The following ACADL variants were observed in gnomAD, a reference collection of about 807,000 sequenced individuals.
ACADL encodes long-chain specific acyl-CoA dehydrogenase, mitochondrial.
Under a neutral mutation model 56.9 loss-of-function variants are expected in ACADL, and 60 were observed. That is an observed-to-expected ratio of 1.05 (90% CI 0.86 to 1.31). The LOEUF (loss-of-function observed/expected upper bound fraction) is 1.31, where lower values mean the gene tolerates loss of function less well. Ranked by LOEUF, ACADL falls within the 50% of genes most tolerant of loss-of-function variation. ACADL has a pLI of 0.00. For missense variants in ACADL, 484 were observed against 525.5 expected (o/e 0.92, Z 0.77); for synonymous variants, 158 against 179.7 (o/e 0.88, Z 0.97).
rs1688580317 is a variant in ACADL at position 210,188,389 on chromosome 2, G to C, written c.*572C>G. 1 of 154,782 alleles carries C rather than the reference G, an allele frequency of 6.5e-6. No homozygotes were observed. The highest frequency in any genetic ancestry group is 1.4e-5 in the Non-Finnish European group (1 of 69,976). The allele number at this position is 154,782 out of a possible 1,614,324, so 9.6% of individuals were successfully genotyped here. A position where few individuals can be genotyped will look rare whatever the true frequency, so the allele number is the denominator to read the frequency against. On this transcript the variant is annotated 3_prime_UTR_variant, in exon 11 of 11. Transcript: ENST00000233710. ...AGGCAGTAAGGTATGATGGCTTCCA[G>C]CTTCAATGAAAGCAGTTCTCACTCA...
chr2:210,197,604 C>T (rs1190799900), intron 8 of ACADL, among the ~76,000 whole-genome samples: 4 of 152,154 alleles, frequency 2.6e-5, no homozygotes, highest in East Asian at 1.9e-4. Context: ...AGTTCAATGA[C>T]ACTATGTATG....
intron 4 of ACADL, among the ~76,000 whole-genome samples, chr2:210,212,898 A>G (rs1480614262): frequency 6.6e-6 from 1 of 152,206 alleles, no homozygotes; most frequent in Non-Finnish European, 1.5e-5. Context: ...GGCCTGTTAC[A>G]ACATTGTCCG....
At chr2:210,208,688 T>A (rs1397972192) in intron 5 of ACADL, among the ~76,000 whole-genome samples, 6 of 152,232 alleles carry the variant, frequency 3.9e-5, no homozygotes, top group African/African-American at 1.2e-4. Flanking sequence ...CTCATATTTT[T>A]AAATTTTAAT....
chr2:210,211,551 A>T (rs776908014), intron 4 of ACADL, among the ~76,000 whole-genome samples: 1 of 152,036 alleles, frequency 6.6e-6, no homozygotes, highest in Non-Finnish European at 1.5e-5. Flanking sequence ...TGAGTTACTT[A>T]TCATGAGATT....
chr2:210,191,021 A>G (rs1037633898), intron 10 of ACADL, among the ~76,000 whole-genome samples: 2 of 151,144 alleles, frequency 1.3e-5, no homozygotes, highest in Non-Finnish European at 2.9e-5. Context: ...GGTTAGAGCG[A>G]TTCTCATGCC....
At chr2:210,214,483 G>GAAAGAAAGAAAGAAAGAAAGA (rs2125716122) in intron 4 of ACADL, among the ~76,000 whole-genome samples, 1 of 148,700 alleles carries the variant, frequency 6.7e-6, no homozygotes, top group South Asian at 2.1e-4. Flanking sequence ...AAGAAAGAAA[G>GAAAGAAAGAAAGAAAGAAAGA]AAAGAAAGAA....
At position 210,220,803 on chromosome 2, in the gene ACADL, C is replaced by A; in HGVS notation, c.78-1G>T. On this transcript the variant is annotated splice_acceptor_variant, in intron 1 of 10. Transcript: ENST00000233710. LOFTEE classifies it high-confidence loss of function. ...TTCTTCCCCTCCGGAATGAGAACAT[C>A]TTAAAAATATATATATGCAATAGGA... 6.3e-7 allele frequency: 1 copy of A among 1,592,632 alleles called. No homozygotes were observed. The highest frequency in any genetic ancestry group is 2.2e-4 in the Middle Eastern group (1 of 4,634).
chr2:210,195,179 A>C, intron 9 of ACADL, 32 bp downstream of exon 9: 2 of 1,613,586 alleles, frequency 1.2e-6, no homozygotes, highest in Non-Finnish European at 1.7e-6. Flanking sequence ...GTCTGAGCAC[A>C]CACCGCACTC....
chr2:210,202,372 C>T (rs138725159), intron 8 of ACADL, among the ~76,000 whole-genome samples: 29 of 152,222 alleles, frequency 1.9e-4, no homozygotes, highest in African/African-American at 7.0e-4. Flanking sequence ...AGATTACAGG[C>T]GTGAGTCAGT....
rs757078002 is a variant in ACADL at position 210,220,785 on chromosome 2, C to A, written c.95G>T (p.Gly32Val). 1.9e-6 allele frequency: 3 copies of A among 1,607,656 alleles called. No homozygotes were observed. The highest frequency in any genetic ancestry group is 2.5e-6 in the Non-Finnish European group (3 of 1,176,702). The change falls in exon 2 of 11, where the codon GGG (glycine) becomes GTG (valine). Residue 32 changes from glycine to valine, a missense_variant. Transcript: ENST00000233710. Reference protein sequence around the residue: ...LPAARCSHSGGEERLETPSAK... With the variant: ...LPAARCSHSGVEERLETPSAK... ...AGAAGGAGTTTCTAGACGTTCTTCC[C>A]CTCCGGAATGAGAACATCTTAAAAA...
chr2:210,204,033 C>G (rs1039376610), intron 7 of ACADL, among the ~76,000 whole-genome samples: 1 of 152,076 alleles, frequency 6.6e-6, no homozygotes, highest in African/African-American at 2.4e-5. Context: ...TAGCCTTAGT[C>G]AGTTTGATTC....
At chr2:210,208,661 C>G (rs1387929918) in intron 5 of ACADL, among the ~76,000 whole-genome samples, 2 of 152,100 alleles carry the variant, frequency 1.3e-5, no homozygotes, top group African/African-American at 4.8e-5. Context: ...ATACAACTAT[C>G]ATTGATAATT....
chr2:210,204,055 T>G (rs1393189007), intron 7 of ACADL, among the ~76,000 whole-genome samples: 1 of 152,210 alleles, frequency 6.6e-6, no homozygotes, highest in Non-Finnish European at 1.5e-5. Flanking sequence ...ATCATGCTGG[T>G]GTTTTTCATG....
intron 9 of ACADL, 106 bp from the exon 10 acceptor site, chr2:210,192,996 T>G (rs969606015): frequency 6.0e-6 from 5 of 833,884 alleles, no homozygotes; most frequent in Admixed American, 4.1e-5. Flanking sequence ...AATGTGCACA[T>G]TTATTAAGCA....
intron 4 of ACADL, among the ~76,000 whole-genome samples, chr2:210,210,872 A>G (rs559549289): frequency 5.9e-5 from 9 of 152,210 alleles, no homozygotes; most frequent in African/African-American, 1.7e-4. Flanking sequence ...CTTGGGCCTG[A>G]GAGGTTGAAG....
intron 6 of ACADL, 115 bp downstream of exon 6, chr2:210,205,517 T>C (rs1387162768): frequency 2.0e-6 from 2 of 1,008,744 alleles, no homozygotes; most frequent in Non-Finnish European, 3.0e-6. Flanking sequence ...AAGCATATTT[T>C]AGGAATTCAG....
chr2:210,222,953 G>GA (rs1469060239), intron 1 of ACADL, among the ~76,000 whole-genome samples: 1 of 151,968 alleles, frequency 6.6e-6, no homozygotes, highest in South Asian at 2.1e-4. Flanking sequence ...TTTCCCTCAG[G>GA]AAAAAAATAT....
chr2:210,196,523 T>G (rs1394370495), intron 8 of ACADL, among the ~76,000 whole-genome samples: 1 of 152,172 alleles, frequency 6.6e-6, no homozygotes, highest in Non-Finnish European at 1.5e-5. Flanking sequence ...CAATCAAGCT[T>G]TATTTCATTC....
At position 210,205,809 on chromosome 2, in the gene ACADL, A is replaced by C. The variant is rs781649229; in HGVS notation, c.604-13T>G. ...TACTGATGAACACCTGCAAAACCCC[A>C]AGTACATTATTAATGCACCATGATA... is the stretch of plus-strand genomic sequence containing the variant. On this transcript the variant is annotated splice_polypyrimidine_tract_variant and intron_variant, in intron 5 of 10. Coordinates refer to ENST00000233710, the MANE Select transcript of ACADL (RefSeq NM_001608.4). 1 of 1,613,710 alleles carries C rather than the reference A, an allele frequency of 6.2e-7. No individual in the cohort carries two copies. The highest frequency in any genetic ancestry group is 1.1e-5 in the South Asian group (1 of 91,074).
Sources: gnomAD v4.1 joint callset for allele counts (sites outside exome capture counted in the v4.1 genomes callset) on GRCh38, gnomAD v4.1.1 for gene constraint, MANE v1.5 for transcripts, NCBI Gene and HGNC (gene_info 2026-07-23, HGNC 2026-07-21) for gene names.